The following ATP13A4 variants were observed in gnomAD, a reference collection of about 807,000 sequenced individuals.
ATP13A4 encodes probable cation-transporting ATPase 13A4.
ATP13A4 carries 114 observed loss-of-function variants against 142.5 expected under a neutral mutation model. That is an observed-to-expected ratio of 0.80 (90% confidence interval 0.69 to 0.93). The LOEUF (loss-of-function observed/expected upper bound fraction) is 0.93, where lower values mean the gene tolerates loss of function less well. Ranked by LOEUF, ATP13A4 falls within the 40% of genes least tolerant of loss-of-function variation. The pLI is 0.00. For missense variants in ATP13A4, 1,392 were observed against 1,454.0 expected (o/e 0.96, Z 0.69); for synonymous variants, 488 against 514.8 (o/e 0.95, Z 0.70).
chr3:193,414,899 C>T (rs2079013671), intron 25 of ATP13A4, 149 bp from the exon 26 acceptor site: 7 of 783,320 alleles, frequency 8.9e-6, no homozygotes, highest in East Asian at 8.0e-5. Flanking sequence ...AATTAATGGA[C>T]TCAAATTCAA....
At chr3:193,555,590 G>C (rs1407939669), upstream of ATP13A4, among the ~76,000 whole-genome samples, 1 of 152,156 alleles carries the variant, frequency 6.6e-6, no homozygotes, top group African/African-American at 2.4e-5. Flanking sequence ...ATGACTATAT[G>C]GCCAGACTCT....
intron 25 of ATP13A4, among the ~76,000 whole-genome samples, chr3:193,428,009 T>C (rs1715761425): frequency 1.3e-5 from 2 of 152,028 alleles, no homozygotes; most frequent in African/African-American, 2.4e-5. Flanking sequence ...AGGCAACCTA[T>C]ACAATGGGAG....
rs73080872 is a variant in ATP13A4 at position 193,471,858 on chromosome 3, G to A, written c.809-865C>T. Among the ~76,000 whole-genome samples, 516 of 152,220 alleles carry A rather than the reference G, an allele frequency of 3.4e-3. 4 individuals carry two copies. The highest frequency in any genetic ancestry group is 0.012 in the African/African-American group (484 of 41,544). On this transcript the variant is annotated intron_variant, in intron 8 of 29. Coordinates refer to ENST00000342695, the MANE Select transcript of ATP13A4 (RefSeq NM_032279.4). ...AGCTATTAGGGCCTGTGCAAGATAG[G>A]CATTCCTGCAGGGGGCTGGGTGGGG...
chr3:193,450,363 G>A (rs1422614407), intron 17 of ATP13A4, among the ~76,000 whole-genome samples: 2 of 152,124 alleles, frequency 1.3e-5, no homozygotes, highest in Non-Finnish European at 2.9e-5. Context: ...GAGGCCTGTT[G>A]GGACCATTTT....
intron 24 of ATP13A4, among the ~76,000 whole-genome samples, chr3:193,434,463 C>T (rs1224092866): frequency 6.6e-6 from 1 of 152,172 alleles, no homozygotes; most frequent in African/African-American, 2.4e-5. Context: ...CACTCACTTT[C>T]TTGCTCCCCA....
At position 193,407,441 on chromosome 3, in the gene ATP13A4, T is replaced by C. The variant is rs367902860; in HGVS notation, c.3298-48A>G. ...AGTTAGTCTGAAGACACGCAGATGC[T>C]GGAAACATGCTCACATGTTCACAGC... is the stretch of plus-strand genomic sequence containing the variant. On this transcript the variant is annotated intron_variant, in intron 28 of 29. Coordinates refer to ENST00000342695, the MANE Select transcript of ATP13A4 (RefSeq NM_032279.4). The C allele has an allele frequency of 3.5e-6, 5 of 1,435,356 alleles. No homozygotes were observed. In the African/African-American group the frequency reaches 7.0e-5, roughly 20 times the overall value. 88.9% of individuals were successfully genotyped at this position (1,435,356 alleles called of 1,614,324 possible).
In ATP13A4 at chr3:193,579,941, T is replaced by C. The variant is rs911000088; in HGVS notation, n.291+1766A>G. Reference sequence around the variant, plus strand: ...GGTAATAGAATGATACAGAAGGACATGCCTAAAATGGCATTGAACCTCAAA... The same window carrying C: ...GGTAATAGAATGATACAGAAGGACACGCCTAAAATGGCATTGAACCTCAAA... On this transcript the variant is annotated intron_variant and non_coding_transcript_variant, in intron 2 of 3. Coordinates refer to the ATP13A4 transcript ENST00000489140. 4.5e-4 allele frequency among the ~76,000 whole-genome samples: 68 copies of C among 152,196 alleles called. 1 individual carries two copies. The highest frequency in any genetic ancestry group is 6.6e-4 in the Non-Finnish European group (45 of 68,032).
intron 25 of ATP13A4, among the ~76,000 whole-genome samples, chr3:193,423,582 AC>A (rs1366906993): frequency 6.7e-6 from 1 of 149,794 alleles, no homozygotes; most frequent in Non-Finnish European, 1.5e-5. Context: ...ATGGACAAAA[AC>A]CATATAATCA....
chr3:193,468,213 G>T (rs1414316270), intron 9 of ATP13A4, among the ~76,000 whole-genome samples: 4 of 151,974 alleles, frequency 2.6e-5, no homozygotes, highest in African/African-American at 9.7e-5. Flanking sequence ...ATAAATAAAG[G>T]CACTGGTGAC....
At chr3:193,427,857 T>C (rs1271687780) in intron 25 of ATP13A4, among the ~76,000 whole-genome samples, 1 of 152,104 alleles carries the variant, frequency 6.6e-6, no homozygotes, top group Non-Finnish European at 1.5e-5. Flanking sequence ...ACCTAGGCAA[T>C]ACCATTCCGG....
intron 1 of ATP13A4, among the ~76,000 whole-genome samples, chr3:193,523,311 A>C (rs1295852162): frequency 1.3e-5 from 2 of 152,036 alleles, no homozygotes; most frequent in African/African-American, 4.8e-5. Context: ...TCTCAAAAAA[A>C]AAAAAATCAA....
intron 1 of ATP13A4, among the ~76,000 whole-genome samples, chr3:193,528,347 C>T (rs1044725507): frequency 1.3e-5 from 2 of 152,204 alleles, no homozygotes; most frequent in Non-Finnish European, 2.9e-5. Flanking sequence ...TAGATTCAAG[C>T]ACAGCCTTGT....
intron 29 of ATP13A4, among the ~76,000 whole-genome samples, chr3:193,405,354 T>C (rs1714442863): frequency 6.6e-6 from 1 of 152,214 alleles, no homozygotes. Context: ...TGGATCCACT[T>C]TCCCAGAATC....
intron 2 of ATP13A4, among the ~76,000 whole-genome samples, chr3:193,576,632 G>A (rs940299165): frequency 2.0e-5 from 3 of 152,080 alleles, no homozygotes; most frequent in African/African-American, 4.8e-5. Context: ...CTGGGTTACG[G>A]CATCAAATAA....
chr3:193,449,805 C>T (rs1346773554), intron 17 of ATP13A4, among the ~76,000 whole-genome samples: 1 of 152,186 alleles, frequency 6.6e-6, no homozygotes, highest in East Asian at 1.9e-4. Context: ...ACGTCCCCCA[C>T]AAAGGCTCCC....
chr3:193,534,493 G>GA (rs944457567), intron 1 of ATP13A4, among the ~76,000 whole-genome samples: 39 of 148,162 alleles, frequency 2.6e-4, no homozygotes, highest in South Asian at 1.5e-3. Flanking sequence ...ACACTTAAAT[G>GA]AAAAAAAAAG....
Position 193,466,067 on chromosome 3 carries a change from G to A in ATP13A4, c.1230C>T (p.Thr410=). The A allele has an allele frequency of 6.2e-7, 1 of 1,614,134 alleles. No homozygotes were observed. Among genetic ancestry groups the A allele is most frequent in the Non-Finnish European group, 8.5e-7 (1 of 1,180,012 alleles). ...RFLLCLVGTA[T]IGMIYTLCVY... is the part of the protein sequence containing the mutation. ...CACACAGAGTATAGATCATCCCAATGGTGGCTGTTCCTACAAGGCACAGGA... is the reference window on the plus strand; with the variant it reads ...CACACAGAGTATAGATCATCCCAATAGTGGCTGTTCCTACAAGGCACAGGA... The change falls in exon 11 of 30, where the codon ACC becomes ACT. Residue 410 remains threonine (T), a synonymous_variant. Coordinates refer to ENST00000342695, the MANE Select transcript of ATP13A4 (RefSeq NM_032279.4).
At chr3:193,461,534 G>T (rs1309806283) in intron 13 of ATP13A4, among the ~76,000 whole-genome samples, 1 of 152,164 alleles carries the variant, frequency 6.6e-6, no homozygotes, top group Non-Finnish European at 1.5e-5. Context: ...CACTAAAGTG[G>T]TTAGAAGCAC....
chr3:193,458,054 C>T (rs1717740234), intron 14 of ATP13A4, among the ~76,000 whole-genome samples: 1 of 152,154 alleles, frequency 6.6e-6, no homozygotes, highest in Non-Finnish European at 1.5e-5. Context: ...AAACTGCAAT[C>T]CCTATTTAAA....
Sources: allele counts gnomAD v4.1 joint callset (sites outside exome capture counted in the v4.1 genomes callset), GRCh38; gene constraint gnomAD v4.1.1; transcripts MANE v1.5; gene names NCBI Gene and HGNC (gene_info 2026-07-23, HGNC 2026-07-21).